The following NOTCH2NLR variants were observed in gnomAD, a reference collection of about 807,000 sequenced individuals.
NOTCH2NLR encodes the protein notch 2 N-terminal like R (pseudogene).
NOTCH2NLR carries 33 observed loss-of-function variants against 35.6 expected under a neutral mutation model. The ratio of observed to expected loss-of-function variants is 0.93; its 90% confidence interval spans 0.70 to 1.24. The LOEUF is 1.24. Ranked by LOEUF, NOTCH2NLR falls within the 50% of genes most tolerant of loss-of-function variation. The pLI, the probability that NOTCH2NLR is intolerant of heterozygous loss-of-function variation, is 0.00. For missense variants in NOTCH2NLR, 276 were observed against 362.2 expected (o/e 0.76, Z 1.93); for synonymous variants, 103 against 141.0 (o/e 0.73, Z 1.91).
chr1:120,788,083 A>G, intron 3 of NOTCH2NLR, among the ~76,000 whole-genome samples: 1 of 61,864 alleles, frequency 1.6e-5, no homozygotes, highest in South Asian at 4.5e-4. Context: ...GACCATTTGT[A>G]GTCCCGCCTG....
intron 1 of NOTCH2NLR, among the ~76,000 whole-genome samples, chr1:120,748,271 CT>C (rs1479986380): frequency 1.5e-4 from 1 of 6,714 alleles, no homozygotes; most frequent in Non-Finnish European, 2.3e-4. Flanking sequence ...TGGTGTGGGC[CT>C]TCTGCAGTAT....
chr1:120,776,023 GT>G (rs1651303793), intron 2 of NOTCH2NLR, among the ~76,000 whole-genome samples: 1 of 107,034 alleles, frequency 9.3e-6, no homozygotes, highest in Non-Finnish European at 1.7e-5. Context: ...GCTCAACCCA[GT>G]TGTTCCCAAA....
chr1:120,759,646 G>T (rs1651112527), intron 1 of NOTCH2NLR, among the ~76,000 whole-genome samples: 1 of 103,408 alleles, frequency 9.7e-6, no homozygotes, highest in Non-Finnish European at 1.8e-5. Flanking sequence ...GATAATTATA[G>T]TATTCATTTT....
In NOTCH2NLR at chr1:120,728,929, A is replaced by G. The variant is rs1650845817; in HGVS notation, c.73+4679A>G. 1.8e-5 allele frequency among the ~76,000 whole-genome samples: 2 copies of G among 111,562 alleles called. 1 individual carries two copies. Among genetic ancestry groups the G allele is most frequent in the Non-Finnish European group, 3.4e-5 (2 of 59,442 alleles). 73.2% of individuals were successfully genotyped at this position (111,562 alleles called of 152,430 possible). A position where few individuals can be genotyped will look rare whatever the true frequency, so the allele number is the denominator to read the frequency against. On this transcript the variant is annotated intron_variant, in intron 1 of 4. Transcript: ENST00000624419. Reference sequence around the variant, plus strand: ...CATGGTGTTGAGTTGTCTCTGCCACATGATTTTGATCCTTGAGGGCCAGGT... The same window carrying G: ...CATGGTGTTGAGTTGTCTCTGCCACGTGATTTTGATCCTTGAGGGCCAGGT...
chr1:120,724,207 G>A lies in NOTCH2NLR; in HGVS notation c.30G>A (p.Trp10Ter), dbSNP rs1486393821. The A allele has an allele frequency of 1.0e-5, 14 of 1,405,666 alleles. 4 individuals carry two copies. Among genetic ancestry groups the A allele is most frequent in the Admixed American group, 8.2e-5 (4 of 48,612 alleles). The allele number at this position is 1,405,666 out of a possible 1,614,324, so 87.1% of individuals were successfully genotyped here. The change falls in exon 1 of 5, where the codon TGG becomes TGA. Residue 10 changes from tryptophan (W) to a stop codon, truncating the protein, a stop_gained. Transcript: ENST00000624419. LOFTEE classifies it high-confidence loss of function. The stretch of plus-strand genomic sequence containing the variant: ...CCGCCCTGCGTCCCGCTCTGCTGTG[G>A]GCGCTGCTGGCGCTCTGGCTGTGCT...
intron 2 of NOTCH2NLR, among the ~76,000 whole-genome samples, chr1:120,784,441 C>T: frequency 8.5e-6 from 1 of 117,390 alleles, no homozygotes; most frequent in African/African-American, 4.9e-5. Context: ...CTCAAACACG[C>T]TAGGGCTGCT....
chr1:120,767,695 A>G (rs1213957400), intron 2 of NOTCH2NLR, among the ~76,000 whole-genome samples: 1 of 112,392 alleles, frequency 8.9e-6, no homozygotes, highest in Non-Finnish European at 1.7e-5. Flanking sequence ...AGGTGTAAAT[A>G]TGTAATTAAA....
In NOTCH2NLR at chr1:120,781,915, T is replaced by C. The variant is rs1651366725; in HGVS notation, c.156-3059T>C. 1.8e-5 allele frequency among the ~76,000 whole-genome samples: 2 copies of C among 110,896 alleles called. 1 individual carries two copies. The highest frequency in any genetic ancestry group is 1.1e-4 in the African/African-American group (2 of 18,300). The allele number at this position is 110,896 out of a possible 152,430, so 72.8% of individuals were successfully genotyped here. On this transcript the variant is annotated intron_variant, in intron 2 of 4. Coordinates refer to ENST00000624419, the Ensembl canonical transcript of NOTCH2NLR. ...AGTTCCTCATATATAAAATGGAGAT[T>C]ATAATATAGCACTGGAGCGAGTAAT...
chr1:120,762,465 C>A (rs1394251921), intron 1 of NOTCH2NLR, among the ~76,000 whole-genome samples: 1 of 106,624 alleles, frequency 9.4e-6, no homozygotes, highest in Non-Finnish European at 1.8e-5. Context: ...CCAGGCCTAG[C>A]GTCTCTCTGA....
intron 1 of NOTCH2NLR, 99 bp downstream of exon 1, chr1:120,724,349 C>T: frequency 7.4e-7 from 1 of 1,354,608 alleles, no homozygotes. Context: ...GAAGGCCAGG[C>T]TCGGCCGCCG....
Position 120,724,195 on chromosome 1 carries a change from C to A in NOTCH2NLR, c.18C>A (p.Pro6=), listed in dbSNP as rs1183641126. Residue 6 remains proline, a synonymous_variant, in exon 1 of 5, where the codon CCC becomes CCA. Coordinates refer to ENST00000624419, the Ensembl canonical transcript of NOTCH2NLR. Reference sequence around the variant, plus strand: ...CCGAGAAGATGCCCGCCCTGCGTCCCGCTCTGCTGTGGGCGCTGCTGGCGC... The same window carrying A: ...CCGAGAAGATGCCCGCCCTGCGTCCAGCTCTGCTGTGGGCGCTGCTGGCGC... 6.4e-6 allele frequency: 9 copies of A among 1,401,210 alleles called. 1 individual carries two copies. Among genetic ancestry groups the A allele is most frequent in the Non-Finnish European group, 8.4e-6 (9 of 1,068,372 alleles). The allele number at this position is 1,401,210 out of a possible 1,614,324, so 86.8% of individuals were successfully genotyped here. A position where few individuals can be genotyped will look rare whatever the true frequency, so the allele number is the denominator to read the frequency against.
At chr1:120,785,216 G>A in exon 3 of NOTCH2NLR, 1 of 1,445,614 alleles carries the variant, frequency 6.9e-7, no homozygotes, top group South Asian at 1.2e-5. Context: ...GAGTGCACCT[G>A]TCAAGTCGGG....
chr1:120,764,592 AT>A (rs1301893818), intron 2 of NOTCH2NLR, among the ~76,000 whole-genome samples: 1 of 107,552 alleles, frequency 9.3e-6, no homozygotes, highest in East Asian at 2.2e-4. Context: ...GCTTAAGAGC[AT>A]TTTTTTTTTC....
Position 120,764,074 on chromosome 1 carries a change from C to T in NOTCH2NLR, c.155+365C>T, listed in dbSNP as rs1423101323. Among the ~76,000 whole-genome samples, 34 of 109,726 alleles carry T rather than the reference C, an allele frequency of 3.1e-4. 9 individuals carry two copies. Among genetic ancestry groups the T allele is most frequent in the African/African-American group, 1.8e-3 (33 of 18,592 alleles). 72.0% of individuals were successfully genotyped at this position (109,726 alleles called of 152,430 possible). A position where few individuals can be genotyped will look rare whatever the true frequency, so the allele number is the denominator to read the frequency against. ...TCAGCCTGGCCAACATAGTGAAACC[C>T]TATCTCTACTAAAAATACAAAAATT... On this transcript the variant is annotated intron_variant, in intron 2 of 4. Transcript: ENST00000624419.
At chr1:120,768,262 A>G (rs1247078640) in intron 2 of NOTCH2NLR, among the ~76,000 whole-genome samples, 1 of 111,942 alleles carries the variant, frequency 8.9e-6, no homozygotes, top group East Asian at 2.2e-4. Context: ...GGGCCTACCA[A>G]GCCCTGAGGT....
chr1:120,793,033 G>A, intron 3 of NOTCH2NLR, 128 bp from the exon 4 acceptor site: 1 of 556,782 alleles, frequency 1.8e-6, no homozygotes, highest in East Asian at 2.9e-5. Context: ...CTCTGATTTA[G>A]CCTTTTGTAA....
Position 120,734,302 on chromosome 1 carries a change from G to C in NOTCH2NLR, c.73+10052G>C, listed in dbSNP as rs1240820519. ...AGTATCATTGGAATTTACTGGGCTGGCTGTCTGCCAGCTATTACCATATTT... is the reference window on the plus strand; with the variant it reads ...AGTATCATTGGAATTTACTGGGCTGCCTGTCTGCCAGCTATTACCATATTT... On this transcript the variant is annotated intron_variant, in intron 1 of 4. Transcript: ENST00000624419. Among the ~76,000 whole-genome samples the C allele has an allele frequency of 5.4e-3, 132 of 24,250 alleles. 9 individuals carry two copies. Among genetic ancestry groups the C allele is most frequent in the Middle Eastern group, 0.026 (2 of 78 alleles). 15.9% of individuals were successfully genotyped at this position (24,250 alleles called of 152,430 possible).
rs1436083981 is a variant in NOTCH2NLR, at chr1:120,751,606, G to A, written c.74-12022G>A. ...AGGGCATCTGCTCGTTCGCTCGCTC[G>A]CTTGCTCTTTCTCTCTTCCCTTTTC... On this transcript the variant is annotated intron_variant, in intron 1 of 4. Coordinates refer to ENST00000624419, the Ensembl canonical transcript of NOTCH2NLR. 3.5e-5 allele frequency among the ~76,000 whole-genome samples: 2 copies of A among 57,290 alleles called. 1 individual carries two copies. The highest frequency in any genetic ancestry group is 1.1e-4 in the African/African-American group (2 of 18,006). The allele number at this position is 57,290 out of a possible 152,430, so 37.6% of individuals were successfully genotyped here.
At chr1:120,745,229 A>T (rs1421355280) in intron 1 of NOTCH2NLR, among the ~76,000 whole-genome samples, 1 of 110,290 alleles carries the variant, frequency 9.1e-6, no homozygotes, top group Non-Finnish European at 1.7e-5. Context: ...TAAACTGCAG[A>T]TCATGACCAC....
Sources: allele counts gnomAD v4.1 joint callset (sites outside exome capture counted in the v4.1 genomes callset), GRCh38; gene constraint gnomAD v4.1.1; transcripts MANE v1.5; gene names NCBI Gene and HGNC (gene_info 2026-07-23, HGNC 2026-07-21).